PLEKHA8: variants seen among roughly 807,000 people sequenced by gnomAD.
The protein encoded by PLEKHA8 is pleckstrin homology domain containing A8, also known as pleckstrin homology domain-containing family A member 8.
PLEKHA8 carries 36 observed loss-of-function variants against 68.2 expected under a neutral mutation model. That is an observed-to-expected ratio of 0.53 (90% confidence interval 0.40 to 0.70). PLEKHA8 has a LOEUF of 0.70. PLEKHA8 is among the 30% of genes least tolerant of loss of function. PLEKHA8 has a pLI of 0.00. For synonymous variants in PLEKHA8, 211 were observed against 216.1 expected, an observed-to-expected ratio of 0.98 and a Z score of 0.20; for missense variants, 505 against 615.4, an observed-to-expected ratio of 0.82 and a Z score of 1.90.
chr7:30,033,333 C>T (rs1790806621), intron 1 of PLEKHA8, among the ~76,000 whole-genome samples: 1 of 152,184 alleles, frequency 6.6e-6, no homozygotes, highest in Non-Finnish European at 1.5e-5. Flanking sequence ...TGTTGGCAAC[C>T]ACTAATCTGT....
At position 30,046,192 on chromosome 7, in the gene PLEKHA8, C is replaced by G. The variant is rs1228799020; in HGVS notation, c.158-18C>G. The stretch of plus-strand genomic sequence containing the variant: ...AGGGCTCTTCTGAGTCTCTGATCTC[C>G]CTCTGTCTTGCTCCCAGTTCATTCT... On this transcript the variant is annotated intron_variant, in intron 2 of 13. Coordinates refer to ENST00000449726, the MANE Select transcript of PLEKHA8 (RefSeq NM_001197026.2). The G allele has an allele frequency of 6.4e-7, 1 of 1,567,332 alleles. No homozygotes were observed. The highest frequency in any genetic ancestry group is 1.2e-5 in the South Asian group (1 of 82,172).
intron 13 of PLEKHA8, chr7:30,118,089 G>T (rs926356737): frequency 2.9e-6 from 4 of 1,396,728 alleles, no homozygotes; most frequent in Non-Finnish European, 3.8e-6. Context: ...TCTGGGTGAC[G>T]CCTCTCTCCA....
exon 13 of PLEKHA8, chr7:30,090,359 A>G (rs1475125016): frequency 1.0e-5 from 7 of 672,116 alleles, no homozygotes; most frequent in Non-Finnish European, 1.7e-5. Flanking sequence ...ACTCAAATGT[A>G]TTATTGCCAA....
At chr7:30,106,692 G>T (rs150579637) in intron 13 of PLEKHA8, among the ~76,000 whole-genome samples, 144 of 152,048 alleles carry the variant, frequency 9.5e-4, no homozygotes, top group African/African-American at 3.5e-3. Context: ...AGCCAACCCG[G>T]GATAAAAAGA....
Position 30,083,722 on chromosome 7 carries a change from A to G in PLEKHA8, c.*4935A>G. Reference sequence around the variant, plus strand: ...TATTAATCACTTCTGTTCCAGAGTGAACAAATGTTTTCAGCTAAGCTATGT... The same window carrying G: ...TATTAATCACTTCTGTTCCAGAGTGGACAAATGTTTTCAGCTAAGCTATGT... On this transcript the variant is annotated 3_prime_UTR_variant, in exon 14 of 14. Coordinates refer to ENST00000449726, the MANE Select transcript of PLEKHA8 (RefSeq NM_001197026.2). 2 of 985,386 alleles carry G rather than the reference A, an allele frequency of 2.0e-6. No individual in the cohort carries two copies. Among genetic ancestry groups the G allele is most frequent in the Non-Finnish European group, 2.4e-6 (2 of 829,864 alleles). The allele number at this position is 985,386 out of a possible 1,614,324, so 61.0% of individuals were successfully genotyped here.
At chr7:30,095,099 A>G (rs1435824109), downstream of PLEKHA8, among the ~76,000 whole-genome samples, 1 of 152,222 alleles carries the variant, frequency 6.6e-6, no homozygotes, top group African/African-American at 2.4e-5. Context: ...AGGAATCACC[A>G]CACTGACTTC....
Position 30,079,236 on chromosome 7 carries a change from T to C in PLEKHA8, c.*449T>C, listed in dbSNP as rs1329298514. ...GTAGTATAAGCTGCTTTGTTGAAGCTGTGTAGAGTTTGCTGTTCCTAGATG... is the reference window on the plus strand; with the variant it reads ...GTAGTATAAGCTGCTTTGTTGAAGCCGTGTAGAGTTTGCTGTTCCTAGATG... On this transcript the variant is annotated 3_prime_UTR_variant, in exon 14 of 14. Coordinates refer to ENST00000449726, the MANE Select transcript of PLEKHA8 (RefSeq NM_001197026.2). 1 of 995,094 alleles carries C rather than the reference T, an allele frequency of 1.0e-6. No homozygotes were observed. The highest frequency in any genetic ancestry group is 1.1e-4 in the East Asian group (1 of 9,142). The allele number at this position is 995,094 out of a possible 1,614,324, so 61.6% of individuals were successfully genotyped here. A position where few individuals can be genotyped will look rare whatever the true frequency, so the allele number is the denominator to read the frequency against.
In PLEKHA8 at chr7:30,080,800, CG is replaced by C. The variant is rs1794892842; in HGVS notation, c.*2017del. ...TTAGTATGAATATGATGGCAGGACT[CG>C]GGGATAGTCCCTGCCCTTGACATAG... On this transcript the variant is annotated 3_prime_UTR_variant, in exon 14 of 14. Coordinates refer to ENST00000449726, the MANE Select transcript of PLEKHA8 (RefSeq NM_001197026.2). The C allele has an allele frequency of 5.1e-6, 5 of 985,252 alleles. No individual in the cohort carries two copies. The highest frequency in any genetic ancestry group is 6.0e-6 in the Non-Finnish European group (5 of 829,868). The allele number at this position is 985,252 out of a possible 1,614,324, so 61.0% of individuals were successfully genotyped here. A position where few individuals can be genotyped will look rare whatever the true frequency, so the allele number is the denominator to read the frequency against.
At chr7:30,054,654 G>T (rs868172173) in intron 7 of PLEKHA8, 55 bp from the exon 8 acceptor site, 2 of 1,120,104 alleles carry the variant, frequency 1.8e-6, no homozygotes, top group South Asian at 6.6e-5. Context: ...CAATCAATAT[G>T]TATTTTTATA....
At chr7:30,036,952 C>A (rs1232715998) in intron 1 of PLEKHA8, among the ~76,000 whole-genome samples, 1 of 152,162 alleles carries the variant, frequency 6.6e-6, no homozygotes, top group African/African-American at 2.4e-5. Flanking sequence ...AACTGACTGA[C>A]CTGGCAGAGG....
At chr7:30,049,193 A>G (rs1792202677) in intron 4 of PLEKHA8, 31 bp from the exon 5 acceptor site, 1 of 1,613,036 alleles carries the variant, frequency 6.2e-7, no homozygotes, top group African/African-American at 1.3e-5. Context: ...TTGGCAAGGT[A>G]AAGGAGTCTT....
chr7:30,081,301 G>A lies in PLEKHA8; in HGVS notation c.*2514G>A. On this transcript the variant is annotated 3_prime_UTR_variant, in exon 14 of 14. Transcript: ENST00000449726. Reference sequence around the variant, plus strand: ...GGAGCATATTACGTTTGCCTAAGATGTATAAAAGTTTGTTTAAGATGTGTA... The same window carrying A: ...GGAGCATATTACGTTTGCCTAAGATATATAAAAGTTTGTTTAAGATGTGTA... The A allele has an allele frequency of 4.1e-6, 4 of 985,250 alleles. No homozygotes were observed. Among genetic ancestry groups the A allele is most frequent in the Non-Finnish European group, 3.6e-6 (3 of 829,822 alleles). 61.0% of individuals were successfully genotyped at this position (985,250 alleles called of 1,614,324 possible). A position where few individuals can be genotyped will look rare whatever the true frequency, so the allele number is the denominator to read the frequency against.
At chr7:30,052,420 T>C (rs1483779307) in intron 6 of PLEKHA8, among the ~76,000 whole-genome samples, 2 of 152,134 alleles carry the variant, frequency 1.3e-5, no homozygotes, top group African/African-American at 4.8e-5. Flanking sequence ...GAGGATTGCC[T>C]GAGGCCAGGT....
chr7:30,123,733 CACAGAGGAAA>C (rs1796730047), intron 13 of PLEKHA8, among the ~76,000 whole-genome samples: 1 of 152,158 alleles, frequency 6.6e-6, no homozygotes, highest in African/African-American at 2.4e-5. Context: ...ACAGAGCCAG[CACAGAGGAAA>C]ACAGAACCAA....
intron 13 of PLEKHA8, among the ~76,000 whole-genome samples, chr7:30,116,294 T>G (rs916844430): frequency 6.6e-6 from 1 of 151,576 alleles, no homozygotes; most frequent in Non-Finnish European, 1.5e-5. Flanking sequence ...ATGTATGTAT[T>G]CATACATGTA....
At chr7:30,109,166 G>A (rs559385309) in intron 13 of PLEKHA8, among the ~76,000 whole-genome samples, 2 of 152,212 alleles carry the variant, frequency 1.3e-5, no homozygotes, top group South Asian at 2.1e-4. Context: ...GTATGTCATG[G>A]TTGTTTTCAC....
At chr7:30,041,766 A>G (rs563556577) in intron 1 of PLEKHA8, among the ~76,000 whole-genome samples, 1 of 152,222 alleles carries the variant, frequency 6.6e-6, no homozygotes, top group East Asian at 1.9e-4. Flanking sequence ...AACATTTTTC[A>G]GATTCTTGTA....
At position 30,052,753 on chromosome 7, in the gene PLEKHA8, A is replaced by G; in HGVS notation, c.683A>G (p.Glu228Gly). ...STCENGSLNMEINGEEEILMK... is the reference protein window; with the variant it reads ...STCENGSLNMGINGEEEILMK... ...TGTGAAAATGGATCTTTAAATATGGAAATAAATGGTGAGGAAGAAATCCTA... is the reference window on the plus strand; with the variant it reads ...TGTGAAAATGGATCTTTAAATATGGGAATAAATGGTGAGGAAGAAATCCTA... Residue 228 changes from glutamate (E) to glycine (G), a missense_variant, in exon 7 of 14, where the codon GAA (glutamate) becomes GGA (glycine). Transcript: ENST00000449726. 1 of 1,565,338 alleles carries G rather than the reference A, an allele frequency of 6.4e-7. No individual in the cohort carries two copies. The highest frequency in any genetic ancestry group is 8.6e-7 in the Non-Finnish European group (1 of 1,164,678).
At chr7:30,028,938 C>G in intron 1 of PLEKHA8, 136 bp downstream of exon 1, 2 of 1,019,124 alleles carry the variant, frequency 2.0e-6, no homozygotes, top group East Asian at 6.5e-5. Context: ...GGAGTATTTC[C>G]CAAAGCAGTT....
Sources: allele counts gnomAD v4.1 joint callset (sites outside exome capture counted in the v4.1 genomes callset), GRCh38; gene constraint gnomAD v4.1.1; transcripts MANE v1.5; gene names NCBI Gene and HGNC (gene_info 2026-07-23, HGNC 2026-07-21).